The following P3H2 variants were observed in gnomAD, a reference collection of about 807,000 sequenced individuals.
P3H2 encodes the protein prolyl 3-hydroxylase 2, also known as leprecan-like 1.
A neutral mutation model predicts 87.0 loss-of-function variants in P3H2; 80 were observed. The observed-to-expected ratio is 0.92, with a 90% CI of 0.77 to 1.11. P3H2 has a LOEUF of 1.11. Ranked by LOEUF, P3H2 falls within the 50% of genes least tolerant of loss-of-function variation. The probability of loss-of-function intolerance (pLI) is 0.00; values close to 1 mark genes in which losing one functional copy is unlikely to be tolerated. For synonymous variants in P3H2, 367 were observed against 359.3 expected (o/e 1.02, Z -0.24); for missense variants, 1,001 against 923.9 (o/e 1.08, Z -1.08).
intron 1 of P3H2, among the ~76,000 whole-genome samples, chr3:190,095,792 C>T (rs1187353519): frequency 4.0e-5 from 6 of 151,772 alleles, no homozygotes; most frequent in South Asian, 4.2e-4. Flanking sequence ...TTGGTAGAGA[C>T]GGGGTTTCAC....
At chr3:190,054,520 A>G (rs913334232) in intron 1 of P3H2, among the ~76,000 whole-genome samples, 4 of 151,478 alleles carry the variant, frequency 2.6e-5, no homozygotes, top group Non-Finnish European at 5.9e-5. Context: ...TTTTTTTTTC[A>G]GTCATGTAAA....
chr3:190,097,938 G>A (rs577964419), intron 1 of P3H2, among the ~76,000 whole-genome samples: 4 of 152,192 alleles, frequency 2.6e-5, no homozygotes, highest in South Asian at 2.1e-4. Flanking sequence ...TTATGTAAGC[G>A]CAATAGCATT....
intron 13 of P3H2, chr3:189,969,465 T>A: frequency 2.2e-6 from 2 of 902,950 alleles, no homozygotes; most frequent in Non-Finnish European, 1.9e-6. Flanking sequence ...CACACTCCTC[T>A]AGCACAACAA....
intron 1 of P3H2, among the ~76,000 whole-genome samples, chr3:190,040,419 T>C (rs1396075258): frequency 1.3e-5 from 2 of 152,232 alleles, no homozygotes; most frequent in African/African-American, 4.8e-5. Flanking sequence ...AGAATAACTT[T>C]GGAAAAGCAG....
At chr3:190,028,943 GA>G (rs1016539011) in intron 1 of P3H2, among the ~76,000 whole-genome samples, 5 of 152,212 alleles carry the variant, frequency 3.3e-5, no homozygotes, top group African/African-American at 1.2e-4. Flanking sequence ...ACAGTCTAGG[GA>G]GAGGAGTGTG....
intron 1 of P3H2, among the ~76,000 whole-genome samples, chr3:190,034,726 T>C (rs1725362114): frequency 6.6e-6 from 1 of 152,176 alleles, no homozygotes; most frequent in Non-Finnish European, 1.5e-5. Context: ...CATGACTGAA[T>C]TTGTTGATGG....
rs1723267593 is a variant in P3H2, at chr3:189,973,985, T to G, written c.1472A>C (p.Asp491Ala). The G allele has an allele frequency of 6.2e-7, 1 of 1,613,890 alleles. No homozygotes were observed. Among genetic ancestry groups the G allele is most frequent in the Non-Finnish European group, 8.5e-7 (1 of 1,179,790 alleles). Residue 491 changes from aspartate to alanine, a missense_variant, in exon 10 of 15, where the codon GAT becomes GCT. Transcript: ENST00000319332. ...GGGTGAAGTTTTTCCTCTGTATCCA[T>G]CACCAACAAGCATGATTCCCTGGAA... ...SVASGIMLVG[D>A]GYRGKTSPHT...
At chr3:190,118,189 C>G (rs1712370491) in intron 1 of P3H2, among the ~76,000 whole-genome samples, 2 of 152,112 alleles carry the variant, frequency 1.3e-5, no homozygotes, top group African/African-American at 4.8e-5. Context: ...AAGCAGAATT[C>G]CAGAACCAGG....
chr3:189,991,466 G>A (rs903870848), intron 3 of P3H2, among the ~76,000 whole-genome samples: 11 of 152,294 alleles, frequency 7.2e-5, no homozygotes, highest in African/African-American at 2.6e-4. Context: ...CCTGCTATGA[G>A]ATAGATGGAT....
chr3:190,119,978 G>C (rs1712471666), intron 1 of P3H2, among the ~76,000 whole-genome samples: 1 of 152,210 alleles, frequency 6.6e-6, no homozygotes, highest in African/African-American at 2.4e-5. Flanking sequence ...ATGAATTAGT[G>C]CTGAATGGGT....
intron 1 of P3H2, among the ~76,000 whole-genome samples, chr3:190,044,330 G>A (rs1725733989): frequency 6.6e-6 from 1 of 152,158 alleles, no homozygotes; most frequent in Admixed American, 6.5e-5. Context: ...ATGCCAAATG[G>A]GAGACATTTT....
chr3:190,002,092 C>G (rs901529091), intron 1 of P3H2, among the ~76,000 whole-genome samples: 1 of 151,980 alleles, frequency 6.6e-6, no homozygotes, highest in Non-Finnish European at 1.5e-5. Flanking sequence ...ATAGCAGAGT[C>G]AGATTTTTGG....
chr3:190,042,352 C>A (rs1725662825), intron 1 of P3H2, among the ~76,000 whole-genome samples: 1 of 151,952 alleles, frequency 6.6e-6, no homozygotes. Flanking sequence ...GGACACGGTT[C>A]CAAAAATTTT....
intron 1 of P3H2, among the ~76,000 whole-genome samples, chr3:190,059,942 A>G (rs1243764573): frequency 6.6e-6 from 1 of 152,198 alleles, no homozygotes; most frequent in African/African-American, 2.4e-5. Context: ...TCTAATTGGT[A>G]TAGTTCCAGT....
intron 1 of P3H2, among the ~76,000 whole-genome samples, chr3:190,075,422 T>C (rs1170722638): frequency 1.3e-5 from 2 of 149,852 alleles, no homozygotes; most frequent in African/African-American, 2.5e-5. Context: ...GAGGTGGAGG[T>C]TACAGTGAGT....
intron 14 of P3H2, among the ~76,000 whole-genome samples, chr3:189,961,174 C>T (rs1218531688): frequency 3.3e-5 from 5 of 152,164 alleles, no homozygotes; most frequent in Admixed American, 3.3e-4. Flanking sequence ...CCCCTGACCT[C>T]AGGTGATCTG....
At chr3:190,094,075 G>A (rs1020201585) in intron 1 of P3H2, among the ~76,000 whole-genome samples, 1 of 152,196 alleles carries the variant, frequency 6.6e-6, no homozygotes, top group Non-Finnish European at 1.5e-5. Flanking sequence ...AGCAATAGGT[G>A]ACAATCTGAT....
chr3:190,057,861 G>A (rs1359199716), intron 1 of P3H2, among the ~76,000 whole-genome samples: 2 of 152,110 alleles, frequency 1.3e-5, no homozygotes, highest in Admixed American at 1.3e-4. Context: ...AAGGAAGATG[G>A]GTGAGTTCTT....
intron 1 of P3H2, among the ~76,000 whole-genome samples, chr3:190,046,258 A>AT (rs1376184741): frequency 4.6e-5 from 7 of 151,762 alleles, no homozygotes; most frequent in African/African-American, 1.7e-4. Flanking sequence ...ATCTGGTTCT[A>AT]TTTTTTCTGG....
Sources: gnomAD v4.1 joint callset for allele counts (sites outside exome capture counted in the v4.1 genomes callset) on GRCh38, gnomAD v4.1.1 for gene constraint, MANE v1.5 for transcripts, NCBI Gene and HGNC (gene_info 2026-07-23, HGNC 2026-07-21) for gene names.